Variants in VCL observed in about 807,000 individuals in gnomAD.
VCL encodes epididymis luminal protein 114.
A neutral mutation model predicts 125.7 loss-of-function variants in VCL; 47 were observed. That is an observed-to-expected ratio of 0.37 (90% confidence interval 0.30 to 0.48). The LOEUF (loss-of-function observed/expected upper bound fraction) is 0.48. VCL is among the 20% of genes least tolerant of loss of function. The pLI is 0.99. For missense variants in VCL, 1,069 were observed against 1,455.5 expected, an observed-to-expected ratio of 0.73 and a Z score of 4.32; for synonymous variants, 458 against 514.6, an observed-to-expected ratio of 0.89 and a Z score of 1.49.
At position 74,026,597 on chromosome 10, in the gene VCL, A is replaced by G. The variant is rs142862086; in HGVS notation, c.169-16486A>G. On this transcript the variant is annotated intron_variant, in intron 1 of 21. Coordinates refer to ENST00000211998, the MANE Select transcript of VCL (RefSeq NM_014000.3). ...TCACAAACGAATATTGCAATGGCAG[A>G]GAAGGAAAAAGGGACTAATGTTTAT... Among the ~76,000 whole-genome samples the G allele has an allele frequency of 2.5e-3, 377 of 152,348 alleles. 1 individual carries two copies. The highest frequency in any genetic ancestry group is 4.6e-3 in the Non-Finnish European group (312 of 68,032).
chr10:74,078,722 G>A (rs1001945052), intron 6 of VCL, among the ~76,000 whole-genome samples: 1 of 152,200 alleles, frequency 6.6e-6, no homozygotes, highest in Non-Finnish European at 1.5e-5. Context: ...TAACTTGCAT[G>A]AAGTCTCAGG....
chr10:74,072,571 A>G (rs1841677913), intron 4 of VCL, among the ~76,000 whole-genome samples, 159 bp from the exon 5 acceptor site: 1 of 152,204 alleles, frequency 6.6e-6, no homozygotes, highest in Non-Finnish European at 1.5e-5. Flanking sequence ...GAAAAGAGTA[A>G]TGTTGCATAA....
At chr10:74,074,057 G>GTC (rs1285916202) in intron 5 of VCL, among the ~76,000 whole-genome samples, 1 of 139,918 alleles carries the variant, frequency 7.1e-6, no homozygotes, top group African/African-American at 3.3e-5. Flanking sequence ...GCAAAACCCC[G>GTC]TCTCTACTAA....
chr10:74,068,621 G>T (rs1287076951), intron 2 of VCL, among the ~76,000 whole-genome samples: 1 of 152,062 alleles, frequency 6.6e-6, no homozygotes, highest in South Asian at 2.1e-4. Context: ...CACCATGCGC[G>T]GCCCTCTTTA....
downstream of VCL, chr10:74,121,329 G>T (rs1840451559): frequency 6.6e-6 from 1 of 152,190 alleles, no homozygotes. Context: ...ACCTATCACA[G>T]GAACTCCCTT....
intron 12 of VCL, among the ~76,000 whole-genome samples, chr10:74,096,594 G>A (rs1839973056): frequency 6.6e-6 from 1 of 151,996 alleles, no homozygotes; most frequent in African/African-American, 2.4e-5. Flanking sequence ...AACTTAAATT[G>A]GATTAAATGT....
Position 74,093,245 on chromosome 10 carries a change from C to T in VCL, c.1353-1026C>T, listed in dbSNP as rs191810070. On this transcript the variant is annotated intron_variant, in intron 10 of 21. Coordinates refer to ENST00000211998, the MANE Select transcript of VCL (RefSeq NM_014000.3). The stretch of plus-strand genomic sequence containing the variant: ...CCGAGAGGCAGAGGTTGCAGTGAGC[C>T]GAGATCGTGCCACTGCACTCCAGCC... Among the ~76,000 whole-genome samples the T allele has an allele frequency of 2.3e-3, 348 of 151,960 alleles. 2 individuals are homozygous for T. Among genetic ancestry groups the T allele is most frequent in the African/African-American group, 7.4e-3 (307 of 41,432 alleles).
rs540040779 is a variant in VCL at position 74,012,511 on chromosome 10, C to T, written c.168+14136C>T. ...TAATTGTTGCAGAATTTATATTATT[C>T]TTCTTAAAGAGTTGTGTGTTAACTA... is the stretch of plus-strand genomic sequence containing the variant. On this transcript the variant is annotated intron_variant, in intron 1 of 21. Transcript: ENST00000211998. 3.9e-5 allele frequency among the ~76,000 whole-genome samples: 6 copies of T among 152,276 alleles called. No individual in the cohort carries two copies. In the South Asian group the frequency reaches 1.0e-3, roughly 26 times the overall value.
chr10:74,036,725 G>A (rs1840986791), intron 1 of VCL, among the ~76,000 whole-genome samples: 2 of 150,986 alleles, frequency 1.3e-5, no homozygotes. Flanking sequence ...AAGTAAAAAA[G>A]AAGCATTTGT....
At chr10:74,090,797 TA>T (rs1426811527) in intron 10 of VCL, among the ~76,000 whole-genome samples, 49 of 151,572 alleles carry the variant, frequency 3.2e-4, no homozygotes, top group African/African-American at 1.2e-3. Flanking sequence ...TTTTTTTTTT[TA>T]TTTTTTATTT....
intron 14 of VCL, among the ~76,000 whole-genome samples, chr10:74,102,642 G>C (rs905358709): frequency 5.3e-5 from 8 of 152,206 alleles, no homozygotes; most frequent in Non-Finnish European, 2.9e-5. Context: ...TAATAAATTA[G>C]ATCCTCTTGT....
chr10:74,078,922 G>T (rs1208012181), intron 6 of VCL, among the ~76,000 whole-genome samples: 2 of 152,082 alleles, frequency 1.3e-5, no homozygotes, highest in African/African-American at 4.8e-5. Context: ...GAGTATGGTG[G>T]GCAGTCATGG....
intron 2 of VCL, among the ~76,000 whole-genome samples, chr10:74,043,917 G>A (rs879349592): frequency 6.6e-6 from 1 of 151,906 alleles, no homozygotes; most frequent in Non-Finnish European, 1.5e-5. Context: ...AGACCATCCT[G>A]GCTAACATGG....
chr10:74,018,177 G>GATATATATATATATATATATATATATAT (rs72407698), intron 1 of VCL, among the ~76,000 whole-genome samples: 6 of 81,874 alleles, frequency 7.3e-5, no homozygotes, highest in Admixed American at 1.6e-4. Context: ...ATATATATAG[G>GATATATATATATATATATATATATATAT]ATATATATAT....
chr10:74,014,238 G>C (rs1357234543), intron 1 of VCL, among the ~76,000 whole-genome samples: 1 of 151,890 alleles, frequency 6.6e-6, no homozygotes, highest in Non-Finnish European at 1.5e-5. Context: ...TTTCTTTTCT[G>C]TTCTTTTTTT....
At chr10:74,039,771 AAAAAGAAAAG>A (rs141361285) in intron 1 of VCL, among the ~76,000 whole-genome samples, 10,139 of 151,822 alleles carry the variant, frequency 0.067, 1,160 homozygotes, top group African/African-American at 0.23. Context: ...ATGTCTCTTA[AAAAAGAAAAG>A]AAAAGAAAAG....
At chr10:73,999,041 C>T (rs530723389) in intron 1 of VCL, among the ~76,000 whole-genome samples, 1 of 152,340 alleles carries the variant, frequency 6.6e-6, no homozygotes, top group Admixed American at 6.5e-5. Context: ...ACTCTCACAC[C>T]TTTATGCAGT....
chr10:74,022,567 A>G (rs1230679383), intron 1 of VCL, among the ~76,000 whole-genome samples: 2 of 147,090 alleles, frequency 1.4e-5, no homozygotes, highest in African/African-American at 2.6e-5. Flanking sequence ...AAATACAATA[A>G]GAATAAAGAT....
At chr10:74,074,700 A>G (rs1839554382) in intron 5 of VCL, 43 bp from the exon 6 acceptor site, 2 of 1,602,908 alleles carry the variant, frequency 1.2e-6, no homozygotes, top group Non-Finnish European at 1.7e-6. Flanking sequence ...TTATACAACA[A>G]GATTAAATTC....
Sources: gnomAD v4.1 joint callset for allele counts (sites outside exome capture counted in the v4.1 genomes callset) on GRCh38, gnomAD v4.1.1 for gene constraint, MANE v1.5 for transcripts, NCBI Gene and HGNC (gene_info 2026-07-23, HGNC 2026-07-21) for gene names.